ZNF296: variants seen among roughly 807,000 people sequenced by gnomAD.
ZNF296 encodes the protein zinc finger protein 342.
In ZNF296, 1 loss-of-function variant was observed where a neutral mutation model predicts 13.2. That is an observed-to-expected ratio of 0.08 (90% CI 0.03 to 0.36). ZNF296 has a LOEUF of 0.36. Ranked by LOEUF, ZNF296 falls within the 10% of genes least tolerant of loss-of-function variation. The pLI is 0.99. For synonymous variants in ZNF296, 303 were observed against 289.0 expected (o/e 1.05, Z -0.49); for missense variants, 555 against 688.2 (o/e 0.81, Z 2.16).
At chr19:45,072,882 CT>C (rs1967282987) in intron 2 of ZNF296, among the ~76,000 whole-genome samples, 2 of 152,194 alleles carry the variant, frequency 1.3e-5, no homozygotes, top group African/African-American at 4.8e-5. Context: ...ATGCCTCAGC[CT>C]CTAGAGTAGC....
Position 45,076,402 on chromosome 19 carries a change from GGGCA to G in ZNF296, c.-33_-30del, listed in dbSNP as rs754690103. 1,278 of 1,237,844 alleles carry G rather than the reference GGGCA, an allele frequency of 1.0e-3. 28 individuals are homozygous for G. The East Asian group carries it at 0.036, about 35-fold the overall frequency. The allele number at this position is 1,237,844 out of a possible 1,614,324, so 76.7% of individuals were successfully genotyped here. On this transcript the variant is annotated 5_prime_UTR_variant, in exon 1 of 3. Transcript: ENST00000303809. This position sits in a 1 kb window ranked among gnomAD's most constrained non-coding sequence, Gnocchi z 4.9. Reference sequence around the variant, plus strand: ...TCGCGGGCCGGGCGAGCGAGCGGGCGGGCAGGCAGGCAGGCGGGCGGGCGGAGGA... The same window carrying G: ...TCGCGGGCCGGGCGAGCGAGCGGGCGGGCAGGCAGGCGGGCGGGCGGAGGA...
At chr19:45,075,690 G>T in intron 2 of ZNF296, 23 bp downstream of exon 2, 1 of 1,611,018 alleles carries the variant, frequency 6.2e-7, no homozygotes, top group Non-Finnish European at 8.5e-7. Flanking sequence ...CTTGAGAGGG[G>T]GACTGCACCC....
At position 45,076,441 on chromosome 19, in the gene ZNF296, G is replaced by A; in HGVS notation, c.-68C>T. 2 of 1,144,318 alleles carry A rather than the reference G, an allele frequency of 1.7e-6. No individual in the cohort carries two copies. The highest frequency in any genetic ancestry group is 3.4e-5 in the East Asian group (1 of 29,154). 70.9% of individuals were successfully genotyped at this position (1,144,318 alleles called of 1,614,324 possible). ...GCGGGCGGGCGGAGGACGCACGAGC[G>A]GAGGACGCGCGGACCGTGCGCGCTC... is the stretch of plus-strand genomic sequence containing the variant. On this transcript the variant is annotated 5_prime_UTR_variant, in exon 1 of 3. Coordinates refer to ENST00000303809, the MANE Select transcript of ZNF296 (RefSeq NM_145288.3). This position sits in a 1 kb window ranked among gnomAD's most constrained non-coding sequence, Gnocchi z 4.9.
Position 45,071,763 on chromosome 19 carries a change from G to C in ZNF296, c.1266C>G (p.Ala422=). 6.2e-7 allele frequency: 1 copy of C among 1,613,084 alleles called. No homozygotes were observed. The highest frequency in any genetic ancestry group is 8.5e-7 in the Non-Finnish European group (1 of 1,179,708). Reference sequence around the variant, plus strand: ...GGTTGAGCTTACTGCTCTGGGCGCAGGCGTAGTTGCAGAACTCACAGGTGT... The same window carrying C: ...GGTTGAGCTTACTGCTCTGGGCGCACGCGTAGTTGCAGAACTCACAGGTGT... ...RPYTCEFCNY[A]CAQSSKLNRH... Residue 422 remains alanine (A), a synonymous_variant, in exon 3 of 3, where the codon GCC becomes GCG. Transcript: ENST00000303809.
chr19:45,075,613 G>A (rs1401266642), intron 2 of ZNF296, 100 bp downstream of exon 2: 2 of 1,424,060 alleles, frequency 1.4e-6, no homozygotes, highest in African/African-American at 1.4e-5. Flanking sequence ...AGCGAGAAAG[G>A]GGAAGTAGTG....
In ZNF296 at chr19:45,076,302, C is replaced by T. The variant is rs2122639263; in HGVS notation, c.72G>A (p.Glu24=). The change falls in exon 1 of 3, where the codon GAG becomes GAA. Residue 24 remains glutamate, a synonymous_variant. Transcript: ENST00000303809. This position sits in a 1 kb window ranked among gnomAD's most constrained non-coding sequence, Gnocchi z 4.9. ...CGATGACGAGGTCCTGCATTTCCATCTCGTCGTCTGGGTTGGCGGCGGGCG... is the reference window on the plus strand; with the variant it reads ...CGATGACGAGGTCCTGCATTTCCATTTCGTCGTCTGGGTTGGCGGCGGGCG... ...EPAPAANPDD[E]MEMQDLVIEL... The T allele has an allele frequency of 6.9e-7, 1 of 1,440,474 alleles. No individual in the cohort carries two copies. Among genetic ancestry groups the T allele is most frequent in the Non-Finnish European group, 9.1e-7 (1 of 1,094,536 alleles). The allele number at this position is 1,440,474 out of a possible 1,614,324, so 89.2% of individuals were successfully genotyped here.
At position 45,075,796 on chromosome 19, in the gene ZNF296, G is replaced by A. The variant is rs1408890346; in HGVS notation, c.365C>T (p.Pro122Leu). Residue 122 changes from proline (P) to leucine (L), a missense_variant, in exon 2 of 3, where the codon CCG becomes CTG. This residue lies in a region of ZNF296 where 410 missense variants were observed against 548.0 expected (regional missense o/e 0.75). Coordinates refer to ENST00000303809, the MANE Select transcript of ZNF296 (RefSeq NM_145288.3). ...CATGAAGGCAGTGATGGCCTCCAAC[G>A]GGAAGGTCTGCAGGCAGCGGCCGCA... ...LTCGRCLQTF[P>L]LEAITAFMDH... is the part of the protein sequence containing the mutation. The A allele has an allele frequency of 6.2e-7, 1 of 1,614,138 alleles. No individual in the cohort carries two copies. The highest frequency in any genetic ancestry group is 8.5e-7 in the Non-Finnish European group (1 of 1,180,014).
At chr19:45,073,289 GGCTT>G (rs1308143525) in intron 2 of ZNF296, among the ~76,000 whole-genome samples, 3 of 151,768 alleles carry the variant, frequency 2.0e-5, no homozygotes, top group East Asian at 1.9e-4. Context: ...GCAGAACAGA[GGCTT>G]GCTTGCTTTT....
chr19:45,071,613 G>C lies in ZNF296; in HGVS notation c.1416C>G (p.Ala472=). Reference sequence around the variant, plus strand: ...GGCTTTCCTGGGCTCAGGCCTCGCCGGCCGCCTCAGGGTGCTTCTGCCGCA... The same window carrying C: ...GGCTTTCCTGGGCTCAGGCCTCGCCCGCCGCCTCAGGGTGCTTCTGCCGCA... ...KHLRQKHPEA[A]GEA The change falls in exon 3 of 3, where the codon GCC becomes GCG. Residue 472 remains alanine (A), a synonymous_variant. Transcript: ENST00000303809. The C allele has an allele frequency of 1.3e-6, 2 of 1,516,004 alleles. No homozygotes were observed. The highest frequency in any genetic ancestry group is 1.8e-6 in the Non-Finnish European group (2 of 1,138,942). The allele number at this position is 1,516,004 out of a possible 1,614,324, so 93.9% of individuals were successfully genotyped here.
Position 45,072,235 on chromosome 19 carries a change from G to C in ZNF296, c.794C>G (p.Pro265Arg), listed in dbSNP as rs1436536972. ...CTTGCTGCTCTGGGCGCAGGCGTAG[G>C]GACACTGGTCGCAAGCATAGGGCCG... ...GERPYACDQC[P>R]YACAQSSKLN... Residue 265 changes from proline to arginine, a missense_variant, in exon 3 of 3, where the codon CCC becomes CGC. Pro to Arg is a moderately radical substitution (Grantham distance 103, BLOSUM62 -2). Coordinates refer to ENST00000303809, the MANE Select transcript of ZNF296 (RefSeq NM_145288.3). 6.2e-7 allele frequency: 1 copy of C among 1,613,188 alleles called. No individual in the cohort carries two copies. Among genetic ancestry groups the C allele is most frequent in the African/African-American group, 1.3e-5 (1 of 74,874 alleles).
At chr19:45,073,070 T>C (rs142620749) in intron 2 of ZNF296, among the ~76,000 whole-genome samples, 1 of 152,140 alleles carries the variant, frequency 6.6e-6, no homozygotes, top group Non-Finnish European at 1.5e-5. Context: ...GAAAATCTTT[T>C]AAAAAGTTAT....
intron 2 of ZNF296, among the ~76,000 whole-genome samples, chr19:45,073,080 T>C (rs79914966): frequency 0.03 from 4,638 of 152,254 alleles, 243 homozygotes; most frequent in African/African-American, 0.11. Flanking sequence ...TAAAAAGTTA[T>C]GTTAACTCAG....
intron 2 of ZNF296, among the ~76,000 whole-genome samples, chr19:45,072,961 A>AG (rs1353383609): frequency 6.6e-6 from 1 of 152,132 alleles, no homozygotes; most frequent in African/African-American, 2.4e-5. Flanking sequence ...CGTGTTGGCC[A>AG]GGCTGGTCTC....
rs1382825698 is a variant in ZNF296 at position 45,071,728 on chromosome 19, C to T, written c.1301G>A (p.Arg434His). 1.9e-6 allele frequency: 3 copies of T among 1,604,654 alleles called. No homozygotes were observed. Among genetic ancestry groups the T allele is most frequent in the Non-Finnish European group, 2.6e-6 (3 of 1,174,392 alleles). ...AQSSKLNRHR[R>H]MHGMTPGSTR... ...GCTGCCAGGCGTCATGCCGTGCATG[C>T]GGCGGTGGCGGTTGAGCTTACTGCT... is the stretch of plus-strand genomic sequence containing the variant. Residue 434 changes from arginine to histidine, a missense_variant, in exon 3 of 3, where the codon CGC becomes CAC. Physicochemically the swap from Arg to His is conservative, Grantham distance 29. Coordinates refer to ENST00000303809, the MANE Select transcript of ZNF296 (RefSeq NM_145288.3).
At position 45,076,430 on chromosome 19, in the gene ZNF296, G is replaced by GC; in HGVS notation, c.-58_-57insG. 8.4e-7 allele frequency: 1 copy of GC among 1,190,942 alleles called. No homozygotes were observed. The highest frequency in any genetic ancestry group is 1.0e-6 in the Non-Finnish European group (1 of 953,404). The allele number at this position is 1,190,942 out of a possible 1,614,324, so 73.8% of individuals were successfully genotyped here. ...CAGGCAGGCAGGCGGGCGGGCGGAG[G>GC]ACGCACGAGCGGAGGACGCGCGGAC... On this transcript the variant is annotated 5_prime_UTR_variant, in exon 1 of 3. Coordinates refer to ENST00000303809, the MANE Select transcript of ZNF296 (RefSeq NM_145288.3). This position sits in a 1 kb window ranked among gnomAD's most constrained non-coding sequence, Gnocchi z 4.9.
At chr19:45,073,490 C>T (rs1967291890) in intron 2 of ZNF296, among the ~76,000 whole-genome samples, 1 of 150,930 alleles carries the variant, frequency 6.6e-6, no homozygotes, top group Non-Finnish European at 1.5e-5. Flanking sequence ...CCTGCCTCAG[C>T]CACCACGCCA....
chr19:45,076,347 C>A lies in ZNF296; in HGVS notation c.27G>T (p.Ala9=), dbSNP rs764365382. ...CGGGCGCGGGCTCTACTCGGCGGGG[C>A]GCGCTGCCGGCCTTGCGGCGGGACA... MSRRKAGS[A]PRRVEPAPAA... is the part of the protein sequence containing the mutation. The change falls in exon 1 of 3, where the codon GCG becomes GCT. Residue 9 remains alanine, a synonymous_variant. Coordinates refer to ENST00000303809, the MANE Select transcript of ZNF296 (RefSeq NM_145288.3). This position sits in a 1 kb window ranked among gnomAD's most constrained non-coding sequence, Gnocchi z 4.9. 6.6e-6 allele frequency: 9 copies of A among 1,358,172 alleles called. No individual in the cohort carries two copies. The highest frequency in any genetic ancestry group is 8.6e-6 in the Non-Finnish European group (9 of 1,051,798). 84.1% of individuals were successfully genotyped at this position (1,358,172 alleles called of 1,614,324 possible). A position where few individuals can be genotyped will look rare whatever the true frequency, so the allele number is the denominator to read the frequency against.
chr19:45,076,054 GC>G lies in ZNF296; in HGVS notation c.298+21del. 6.3e-7 allele frequency: 1 copy of G among 1,576,016 alleles called. No homozygotes were observed. Among genetic ancestry groups the G allele is most frequent in the Non-Finnish European group, 8.6e-7 (1 of 1,166,982 alleles). On this transcript the variant is annotated intron_variant, in intron 1 of 2. Coordinates refer to ENST00000303809, the MANE Select transcript of ZNF296 (RefSeq NM_145288.3). This position sits in a 1 kb window ranked among gnomAD's most constrained non-coding sequence, Gnocchi z 4.9. ...GAGGGTCAAAGGTAAGGGAGGCTGG[GC>G]CCAGGGCCCGGGGTGCTCACCGGGA...
chr19:45,071,646 G>A lies in ZNF296; in HGVS notation c.1383C>T (p.Asp461=). 6.5e-7 allele frequency: 1 copy of A among 1,544,952 alleles called. No individual in the cohort carries two copies. The highest frequency in any genetic ancestry group is 8.7e-7 in the Non-Finnish European group (1 of 1,148,634). Residue 461 remains aspartate (D), a synonymous_variant, in exon 3 of 3, where the codon GAC becomes GAT. Transcript: ENST00000303809. ...CAGGGTGCTTCTGCCGCAGGTGTTTGTCCAGGGTGGCTCGCAGGCCGAAGG... is the reference window on the plus strand; with the variant it reads ...CAGGGTGCTTCTGCCGCAGGTGTTTATCCAGGGTGGCTCGCAGGCCGAAGG... ...HVPFGLRATL[D]KHLRQKHPEA... is the part of the protein sequence containing the mutation.
Sources: allele counts gnomAD v4.1 joint callset (sites outside exome capture counted in the v4.1 genomes callset), GRCh38; gene constraint gnomAD v4.1.1; regional missense constraint gnomAD v4.1.1; non-coding constraint Gnocchi (gnomAD v3.1); transcripts MANE v1.5; gene names NCBI Gene and HGNC (gene_info 2026-07-23, HGNC 2026-07-21).